The following AGPAT3 variants were observed in gnomAD, a reference collection of about 807,000 sequenced individuals.
AGPAT3 encodes the protein 1-acylglycerol-3-phosphate O-acyltransferase 3.
Under a neutral mutation model 47.3 loss-of-function variants are expected in AGPAT3, and 5 were observed. The ratio of observed to expected loss-of-function variants is 0.11; its 90% CI spans 0.06 to 0.22. AGPAT3 has a LOEUF of 0.22. AGPAT3 is among the 10% of genes least tolerant of loss of function. AGPAT3 has a pLI of 1.00. For synonymous variants in AGPAT3, 212 were observed against 208.3 expected (o/e 1.02, Z -0.15); for missense variants, 315 against 493.0 (o/e 0.64, Z 3.42).
intron 1 of AGPAT3, 179 bp from the exon 2 acceptor site, chr21:43,903,778 C>G (rs2086414369): frequency 6.6e-6 from 1 of 152,352 alleles, no homozygotes. Flanking sequence ...CCTGAATGGC[C>G]TTGACCCTGA....
chr21:43,907,876 T>C (rs888763705), intron 2 of AGPAT3, among the ~76,000 whole-genome samples: 64 of 152,202 alleles, frequency 4.2e-4, no homozygotes, highest in African/African-American at 1.5e-3. Flanking sequence ...ACCGATACCA[T>C]GTTAAAGCCA....
intron 8 of AGPAT3, among the ~76,000 whole-genome samples, chr21:43,980,496 GCTC>G (rs1202426292): frequency 6.6e-6 from 1 of 152,180 alleles, no homozygotes; most frequent in Non-Finnish European, 1.5e-5. Context: ...TCTCCTCCCA[GCTC>G]CTCATTAGCC....
At chr21:43,899,220 T>C (rs1355522061) in intron 1 of AGPAT3, among the ~76,000 whole-genome samples, 1 of 152,228 alleles carries the variant, frequency 6.6e-6, no homozygotes, top group Admixed American at 6.5e-5. Flanking sequence ...GGGGATATGC[T>C]TGCTGGTTGC....
intron 1 of AGPAT3, among the ~76,000 whole-genome samples, chr21:43,870,046 A>G (rs2123497887): frequency 6.6e-6 from 1 of 152,334 alleles, no homozygotes; most frequent in South Asian, 2.1e-4. Context: ...CAAAAGGAAC[A>G]GTAAAGACAA....
intron 7 of AGPAT3, among the ~76,000 whole-genome samples, chr21:43,975,314 G>T (rs534385104): frequency 1.3e-5 from 2 of 149,212 alleles, no homozygotes; most frequent in East Asian, 4.0e-4. Context: ...CATGTAGTGT[G>T]CTGGCGTGTG....
intron 1 of AGPAT3, among the ~76,000 whole-genome samples, chr21:43,893,024 G>A (rs990621821): frequency 6.6e-6 from 1 of 152,178 alleles, no homozygotes; most frequent in African/African-American, 2.4e-5. Context: ...GAGCCCAGGA[G>A]GCAGAGGTTG....
intron 2 of AGPAT3, among the ~76,000 whole-genome samples, chr21:43,931,356 ACATCCT>A (rs2087236432): frequency 6.6e-6 from 1 of 152,146 alleles, no homozygotes. Context: ...GATTTTATTG[ACATCCT>A]AAAAACACTC....
At position 43,892,307 on chromosome 21, in the gene AGPAT3, C is replaced by CA. The variant is rs112614012; in HGVS notation, c.-111-11638dup. Reference sequence around the variant, plus strand: ...GGGCAACAAGAGCAAAACTCTGTCTCAAAAAAAAAAAAGAAAAAAAAAGAA... The same window carrying CA: ...GGGCAACAAGAGCAAAACTCTGTCTCAAAAAAAAAAAAAGAAAAAAAAAGAA... On this transcript the variant is annotated intron_variant, in intron 1 of 9. Transcript: ENST00000291572. Among the ~76,000 whole-genome samples the CA allele has an allele frequency of 9.4e-3, 1,178 of 125,522 alleles. 8 individuals are homozygous for CA. Among genetic ancestry groups the CA allele is most frequent in the East Asian group, 0.042 (186 of 4,388 alleles). The allele number at this position is 125,522 out of a possible 152,430, so 82.3% of individuals were successfully genotyped here. A position where few individuals can be genotyped will look rare whatever the true frequency, so the allele number is the denominator to read the frequency against.
At position 43,939,071 on chromosome 21, in the gene AGPAT3, G is replaced by T. The variant is rs938664605; in HGVS notation, c.-48-20563G>T. 6.6e-6 allele frequency among the ~76,000 whole-genome samples: 1 copy of T among 152,210 alleles called. No homozygotes were observed. The highest frequency in any genetic ancestry group is 2.4e-5 in the African/African-American group (1 of 41,448). ...GCAGGGGCCGCACCAGGGCTGGGAC[G>T]GGGCTGCGACCAGGCTAGGGGAGCA... On this transcript the variant is annotated intron_variant, in intron 2 of 9. Coordinates refer to ENST00000291572, the MANE Select transcript of AGPAT3 (RefSeq NM_020132.5). The surrounding 1 kb of genome is among the most constrained non-coding windows in gnomAD (Gnocchi z 4.4).
intron 3 of AGPAT3, chr21:43,966,226 C>T (rs1481987308): frequency 6.6e-6 from 1 of 152,254 alleles, no homozygotes; most frequent in Non-Finnish European, 1.5e-5. Context: ...CCAGACAGCG[C>T]AGCTCGTCTT....
chr21:43,916,414 G>A (rs972393033), intron 2 of AGPAT3: 3 of 152,082 alleles, frequency 2.0e-5, no homozygotes, highest in Non-Finnish European at 2.9e-5. Flanking sequence ...AGTGTGTCGG[G>A]TTATTTGGTA....
chr21:43,966,350 A>C (rs1457804162), intron 3 of AGPAT3: 3 of 152,190 alleles, frequency 2.0e-5, no homozygotes, highest in Non-Finnish European at 4.4e-5. Flanking sequence ...GGTCTCAAGC[A>C]CTTGCCAGGG....
chr21:43,897,222 C>T (rs1316027567), intron 1 of AGPAT3, among the ~76,000 whole-genome samples: 2 of 151,844 alleles, frequency 1.3e-5, no homozygotes, highest in East Asian at 3.9e-4. Flanking sequence ...GCCCTTAATC[C>T]ATTTAACCCT....
intron 7 of AGPAT3, among the ~76,000 whole-genome samples, chr21:43,977,755 C>T (rs1042775540): frequency 2.6e-5 from 4 of 152,030 alleles, no homozygotes; most frequent in Admixed American, 2.0e-4. Context: ...GGCGTGGTGG[C>T]GCATGCCTGT....
rs555551474 is a variant in AGPAT3 at position 43,920,751 on chromosome 21, T to C, written c.-49+16732T>C. ...CCGGAGGGTGGAGCCCTGGGGAGGG[T>C]ACAGCAGCTCCGAGCTCCCTGCCCC... On this transcript the variant is annotated intron_variant, in intron 2 of 9. Transcript: ENST00000291572. The surrounding 1 kb of genome is among the most constrained non-coding windows in gnomAD (Gnocchi z 6.1). 1.6e-4 allele frequency among the ~76,000 whole-genome samples: 24 copies of C among 151,096 alleles called. No homozygotes were observed. The East Asian group carries it at 1.8e-3, about 11-fold the overall frequency.
chr21:43,937,974 A>G (rs1255754477), intron 2 of AGPAT3, among the ~76,000 whole-genome samples: 1 of 152,158 alleles, frequency 6.6e-6, no homozygotes, highest in Non-Finnish European at 1.5e-5. Flanking sequence ...CTGTGCAGAC[A>G]GTGCTGGACC....
chr21:43,963,961 C>T (rs994661797), intron 3 of AGPAT3, among the ~76,000 whole-genome samples: 1 of 152,012 alleles, frequency 6.6e-6, no homozygotes, highest in Non-Finnish European at 1.5e-5. Flanking sequence ...GCCCATAGAT[C>T]TTCACTTCAA....
intron 1 of AGPAT3, among the ~76,000 whole-genome samples, chr21:43,895,872 T>C (rs916279417): frequency 6.6e-6 from 1 of 152,186 alleles, no homozygotes; most frequent in African/African-American, 2.4e-5. Context: ...GTTTGAGTGG[T>C]TCTTCTGCCT....
chr21:43,948,951 T>C (rs1276532371), intron 2 of AGPAT3, among the ~76,000 whole-genome samples: 1 of 152,212 alleles, frequency 6.6e-6, no homozygotes, highest in Non-Finnish European at 1.5e-5. Flanking sequence ...AAGCATTGAC[T>C]CTTTAGTCTC....
Sources: gnomAD v4.1 joint callset for allele counts (sites outside exome capture counted in the v4.1 genomes callset) on GRCh38, gnomAD v4.1.1 for gene constraint, Gnocchi (gnomAD v3.1) non-coding constraint, MANE v1.5 for transcripts, NCBI Gene and HGNC (gene_info 2026-07-23, HGNC 2026-07-21) for gene names.